APPL1: variants seen among roughly 807,000 people sequenced by gnomAD.
The protein encoded by APPL1 is adaptor protein, phosphotyrosine interacting with PH domain and leucine zipper 1, also known as DCC-interacting protein 13-alpha.
Under a neutral mutation model 106.8 loss-of-function variants are expected in APPL1, and 42 were observed. The observed-to-expected ratio is 0.39, with a 90% CI of 0.31 to 0.51. The LOEUF is 0.51. APPL1 is among the 20% of genes least tolerant of loss of function. The probability of loss-of-function intolerance (pLI) is 0.75; values close to 1 mark genes in which losing one functional copy is unlikely to be tolerated. For missense variants in APPL1, 769 were observed against 858.2 expected, an observed-to-expected ratio of 0.90 and a Z score of 1.30; for synonymous variants, 263 against 281.8, an observed-to-expected ratio of 0.93 and a Z score of 0.67.
At chr3:57,231,338 CAAAAAAAAAAAAA>C (rs71088043) in intron 1 of APPL1, among the ~76,000 whole-genome samples, 1 of 72,248 alleles carries the variant, frequency 1.4e-5, no homozygotes, top group Non-Finnish European at 2.4e-5. Flanking sequence ...GACTCCGTCT[CAAAAAAAAAAAAA>C]AAAAAAAAGA....
At chr3:57,230,810 C>G (rs960753511) in intron 1 of APPL1, 1 of 444,446 alleles carries the variant, frequency 2.2e-6, no homozygotes, top group East Asian at 7.4e-5. Flanking sequence ...CTCACTGTCA[C>G]GTAGGTTGGA....
chr3:57,249,909 A>G (rs2060794123), intron 11 of APPL1, among the ~76,000 whole-genome samples: 1 of 152,202 alleles, frequency 6.6e-6, no homozygotes, highest in South Asian at 2.1e-4. Context: ...GTGTGGTCTC[A>G]GACAGTACAG....
At chr3:57,241,878 A>C (rs2060748190) in intron 5 of APPL1, among the ~76,000 whole-genome samples, 1 of 152,212 alleles carries the variant, frequency 6.6e-6, no homozygotes, top group South Asian at 2.1e-4. Context: ...TTTATGTCAT[A>C]TCACTAATTT....
chr3:57,237,164 A>G (rs931349216), intron 2 of APPL1, among the ~76,000 whole-genome samples: 4 of 152,236 alleles, frequency 2.6e-5, no homozygotes, highest in East Asian at 1.9e-4. Flanking sequence ...ACAGAGGGCA[A>G]TAATCAGTCA....
At chr3:57,242,822 T>C in intron 6 of APPL1, 34 bp from the exon 7 acceptor site, 1 of 1,505,710 alleles carries the variant, frequency 6.6e-7, no homozygotes, top group South Asian at 1.1e-5. Context: ...TGAAAAGTAC[T>C]GTTGTATTGT....
At chr3:57,236,325 G>GCC (rs1296281510) in intron 2 of APPL1, among the ~76,000 whole-genome samples, 1 of 134,828 alleles carries the variant, frequency 7.4e-6, no homozygotes, top group Admixed American at 7.6e-5. Context: ...ATTGTACCCA[G>GCC]CCCCCTTTTT....
chr3:57,257,950 A>G (rs1313252914), intron 15 of APPL1, among the ~76,000 whole-genome samples: 1 of 152,222 alleles, frequency 6.6e-6, no homozygotes, highest in African/African-American at 2.4e-5. Context: ...ACTTAAGGCA[A>G]ATCATTTATT....
intron 19 of APPL1, among the ~76,000 whole-genome samples, chr3:57,261,644 G>A (rs201789950): frequency 1.3e-5 from 2 of 151,848 alleles, no homozygotes; most frequent in Non-Finnish European, 2.9e-5. Flanking sequence ...TCAGCCTCCC[G>A]AGTAGCTGGG....
chr3:57,244,644 G>A (rs921080974), intron 7 of APPL1, among the ~76,000 whole-genome samples: 2 of 152,174 alleles, frequency 1.3e-5, no homozygotes, highest in East Asian at 1.9e-4. Context: ...ATGGCAGAAA[G>A]AGTAAGAAGT....
chr3:57,251,100 C>G (rs2060802286), intron 11 of APPL1, among the ~76,000 whole-genome samples: 1 of 150,682 alleles, frequency 6.6e-6, no homozygotes, highest in East Asian at 2.0e-4. Context: ...AGCCACCGCG[C>G]CCGGCCTGAA....
intron 19 of APPL1, among the ~76,000 whole-genome samples, chr3:57,263,965 G>C (rs1579403014): frequency 6.6e-6 from 1 of 152,018 alleles, no homozygotes; most frequent in Non-Finnish European, 1.5e-5. Context: ...GGAACCTCCA[G>C]ACTTTTCTCC....
rs891965278 is a variant in APPL1, at chr3:57,237,390, A to G, written c.154-102A>G. On this transcript the variant is annotated intron_variant, in intron 2 of 21. Coordinates refer to ENST00000288266, the MANE Select transcript of APPL1 (RefSeq NM_012096.3). ...TTAATGAAGGTTTTAAAAAACATGTACAATATTTATGTTAAGTGATAATAA... is the reference window on the plus strand; with the variant it reads ...TTAATGAAGGTTTTAAAAAACATGTGCAATATTTATGTTAAGTGATAATAA... 7.3e-6 allele frequency: 6 copies of G among 820,480 alleles called. No individual in the cohort carries two copies. In the African/African-American group the frequency reaches 1.1e-4, roughly 15 times the overall value. The allele number at this position is 820,480 out of a possible 1,614,324, so 50.8% of individuals were successfully genotyped here.
intron 1 of APPL1, among the ~76,000 whole-genome samples, chr3:57,231,517 C>A (rs1013408746): frequency 2.6e-5 from 4 of 151,736 alleles, no homozygotes; most frequent in African/African-American, 9.7e-5. Flanking sequence ...TCATTTAGAT[C>A]TAATCAAAAG....
In APPL1 at chr3:57,248,272, T is replaced by C. The variant is rs1468532966; in HGVS notation, c.784T>C (p.Tyr262His). ...EDLEVASDPLYVPDPDPTKFP... is the reference protein window; with the variant it reads ...EDLEVASDPLHVPDPDPTKFP... ...TTTGGAAGTAGCCAGTGATCCCTTATATGTGCCTGACCCAGACCCCACCAA... is the reference window on the plus strand; with the variant it reads ...TTTGGAAGTAGCCAGTGATCCCTTACATGTGCCTGACCCAGACCCCACCAA... Residue 262 changes from tyrosine (Y) to histidine (H), a missense_variant, in exon 10 of 22, where the codon TAT becomes CAT. Physicochemically the swap from Tyr to His is moderately conservative, Grantham distance 83. Coordinates refer to ENST00000288266, the MANE Select transcript of APPL1 (RefSeq NM_012096.3). 2 of 1,614,146 alleles carry C rather than the reference T, an allele frequency of 1.2e-6. No homozygotes were observed. The highest frequency in any genetic ancestry group is 8.5e-7 in the Non-Finnish European group (1 of 1,180,026).
rs1382663114 is a variant in APPL1, at chr3:57,269,739, G to A, written c.*52G>A. ...CTTGGAATTTGACAGTTTCTATGGT[G>A]AAATGGCAGAAGGTAACAACTATGT... On this transcript the variant is annotated 3_prime_UTR_variant, in exon 22 of 22. Transcript: ENST00000288266. The A allele has an allele frequency of 3.2e-6, 5 of 1,576,598 alleles. No homozygotes were observed. Among genetic ancestry groups the A allele is most frequent in the Middle Eastern group, 1.7e-4 (1 of 5,962 alleles).
chr3:57,246,009 G>T, intron 7 of APPL1, 67 bp from the exon 8 acceptor site: 9 of 1,206,540 alleles, frequency 7.5e-6, no homozygotes, highest in Non-Finnish European at 1.0e-5. Flanking sequence ...TCCTACTGAA[G>T]ATAATACAAA....
intron 1 of APPL1, among the ~76,000 whole-genome samples, chr3:57,233,511 G>A (rs1367388746): frequency 6.6e-6 from 1 of 150,794 alleles, no homozygotes; most frequent in Non-Finnish European, 1.5e-5. Context: ...AAACAGAAAC[G>A]AAGCGGCAGA....
intron 1 of APPL1, among the ~76,000 whole-genome samples, chr3:57,229,497 A>C (rs1023838631): frequency 2.0e-5 from 3 of 151,514 alleles, no homozygotes; most frequent in African/African-American, 7.3e-5. Context: ...CTTTACAAGC[A>C]TGCATCATAC....
intron 10 of APPL1, 89 bp downstream of exon 10, chr3:57,248,440 T>C: frequency 7.0e-7 from 1 of 1,423,954 alleles, no homozygotes; most frequent in Non-Finnish European, 9.4e-7. Context: ...CTGTCATATT[T>C]TGATTTTTAT....
Sources: gnomAD v4.1 joint callset for allele counts (sites outside exome capture counted in the v4.1 genomes callset) on GRCh38, gnomAD v4.1.1 for gene constraint, MANE v1.5 for transcripts, NCBI Gene and HGNC (gene_info 2026-07-23, HGNC 2026-07-21) for gene names.